Variants in LIN9 observed in about 807,000 individuals in gnomAD.
The protein encoded by LIN9 is lin-9 DREAM MuvB core complex component, also known as protein lin-9 homolog.
In LIN9, 18 loss-of-function variants were observed where a neutral mutation model predicts 78.0. The ratio of observed to expected loss-of-function variants is 0.23; its 90% CI spans 0.16 to 0.34. LIN9 has a LOEUF of 0.34. Among genes scored for constraint, LIN9 ranks in the 10% least tolerant of loss-of-function variants. The pLI is 1.00. For missense variants in LIN9, 451 were observed against 644.1 expected (o/e 0.70, Z 3.25); for synonymous variants, 192 against 215.2 (o/e 0.89, Z 0.94).
intron 4 of LIN9, among the ~76,000 whole-genome samples, chr1:226,294,476 G>A (rs1662001710): frequency 6.6e-6 from 1 of 151,802 alleles, no homozygotes; most frequent in Non-Finnish European, 1.5e-5. Flanking sequence ...GGAGGCTAAG[G>A]CAGGAGAATC....
At chr1:226,299,165 A>AT (rs985003047) in intron 2 of LIN9, among the ~76,000 whole-genome samples, 1 of 151,974 alleles carries the variant, frequency 6.6e-6, no homozygotes, top group South Asian at 2.1e-4. Context: ...GCATTTTCTC[A>AT]TTTTTTCCAT....
intron 6 of LIN9, among the ~76,000 whole-genome samples, chr1:226,285,820 T>C (rs1453315849): frequency 1.3e-5 from 2 of 152,172 alleles, no homozygotes; most frequent in Non-Finnish European, 2.9e-5. Flanking sequence ...TACACAGAAC[T>C]TTACAGCATC....
At chr1:226,293,267 C>T (rs1661907383) in intron 4 of LIN9, among the ~76,000 whole-genome samples, 1 of 152,150 alleles carries the variant, frequency 6.6e-6, no homozygotes, top group Non-Finnish European at 1.5e-5. Flanking sequence ...TATATTTGTT[C>T]TGTATTGCTC....
At position 226,302,184 on chromosome 1, in the gene LIN9, A is replaced by T. The variant is rs539282142; in HGVS notation, c.32-979T>A. On this transcript the variant is annotated intron_variant, in intron 1 of 14. Transcript: ENST00000681046. ...ATTCTGTTGCAGGTAACCCACTTTG[A>T]GAAACATCAGGCTACAGGTTCTGGT... Among the ~76,000 whole-genome samples the T allele has an allele frequency of 1.3e-4, 20 of 152,334 alleles. No homozygotes were observed. The East Asian group carries it at 3.3e-3, about 25-fold the overall frequency.
intron 11 of LIN9, 114 bp from the exon 12 acceptor site, chr1:226,239,210 TTGTC>T: frequency 1.9e-6 from 2 of 1,049,490 alleles, no homozygotes; most frequent in Non-Finnish European, 2.8e-6. Flanking sequence ...GTTATTAAAT[TTGTC>T]TGTTTTAATT....
chr1:226,305,879 G>C (rs1662882497), intron 1 of LIN9, among the ~76,000 whole-genome samples: 1 of 152,124 alleles, frequency 6.6e-6, no homozygotes, highest in Non-Finnish European at 1.5e-5. Context: ...TGTGGGAAGG[G>C]GGCTGAATTA....
intron 6 of LIN9, among the ~76,000 whole-genome samples, chr1:226,282,655 T>C (rs1427213792): frequency 6.6e-6 from 1 of 152,118 alleles, no homozygotes; most frequent in East Asian, 1.9e-4. Context: ...ACTCCGTCTC[T>C]ACTAAAAATA....
At chr1:226,236,599 G>A (rs889920473) in intron 12 of LIN9, among the ~76,000 whole-genome samples, 2 of 152,088 alleles carry the variant, frequency 1.3e-5, no homozygotes, top group Non-Finnish European at 2.9e-5. Flanking sequence ...GGGACTACAG[G>A]CGCCCGCCAC....
upstream of LIN9, chr1:226,309,387 G>A (rs1420113686): frequency 1.7e-5 from 17 of 990,160 alleles, no homozygotes; most frequent in Non-Finnish European, 1.1e-5. Context: ...CGGGAGGAAG[G>A]GAGGAAGGAG....
intron 7 of LIN9, among the ~76,000 whole-genome samples, chr1:226,276,471 C>A (rs942007463): frequency 6.6e-6 from 1 of 152,176 alleles, no homozygotes; most frequent in African/African-American, 2.4e-5. Flanking sequence ...AATATACACT[C>A]ATTTATTACC....
At chr1:226,308,873 C>T in intron 1 of LIN9, 1 of 301,024 alleles carries the variant, frequency 3.3e-6, no homozygotes, top group Non-Finnish European at 6.0e-6. Flanking sequence ...GGCTGGACTC[C>T]CGGGCTCTCG....
At chr1:226,268,184 A>G (rs1660050968) in intron 7 of LIN9, 94 bp from the exon 8 acceptor site, 1 of 1,222,872 alleles carries the variant, frequency 8.2e-7, no homozygotes, top group East Asian at 2.5e-5. Flanking sequence ...ATCATAGTAC[A>G]GTATTTTGTC....
rs1367085076 is a variant in LIN9, at chr1:226,233,495, G to C, written c.1274C>G (p.Ala425Gly). 1 of 1,613,696 alleles carries C rather than the reference G, an allele frequency of 6.2e-7. No individual in the cohort carries two copies. Among genetic ancestry groups the C allele is most frequent in the African/African-American group, 1.3e-5 (1 of 75,054 alleles). ...GCGTCTCATATCTGTTGGCTGATCT[G>C]CAGGCTGGAGCCCCTGGTCTGGAGC... ...ELAPDQGLQP[A>G]DQPTDMRRRC... Residue 425 changes from alanine (A) to glycine (G), a missense_variant, in exon 13 of 15, where the codon GCA becomes GGA. By Grantham distance (60) the Ala-to-Gly change is moderately conservative. Transcript: ENST00000681046.
At chr1:226,242,294 C>T (rs931063480) in intron 11 of LIN9, among the ~76,000 whole-genome samples, 5 of 151,988 alleles carry the variant, frequency 3.3e-5, no homozygotes, top group Admixed American at 6.6e-5. Context: ...TGTGTGTGTA[C>T]GAATATATGT....
chr1:226,265,599 T>C lies in LIN9; in HGVS notation c.972A>G (p.Arg324=), dbSNP rs773991507. 3.7e-6 allele frequency: 6 copies of C among 1,610,956 alleles called. No individual in the cohort carries two copies. The highest frequency in any genetic ancestry group is 5.1e-6 in the Non-Finnish European group (6 of 1,177,322). Residue 324 remains arginine, a synonymous_variant, in exon 10 of 15, where the codon AGA becomes AGG. Transcript: ENST00000681046. This position sits in a 1 kb window ranked among gnomAD's most constrained non-coding sequence, Gnocchi z 4.1. The part of the protein sequence containing the change: ...NDPLLGQSPW[R]SKISGSDTET... ...CAGTGTCAGAGCCAGAAATTTTACT[T>C]CTCCACGGCGACTGTCCTAATAAAG...
intron 10 of LIN9, among the ~76,000 whole-genome samples, chr1:226,254,261 C>A: frequency 6.6e-6 from 1 of 152,160 alleles, no homozygotes; most frequent in East Asian, 1.9e-4. Context: ...TAGGTGTGAA[C>A]CACTGTGCCT....
intron 10 of LIN9, among the ~76,000 whole-genome samples, chr1:226,256,301 C>A (rs748380124): frequency 6.6e-6 from 1 of 152,058 alleles, no homozygotes; most frequent in African/African-American, 2.4e-5. Flanking sequence ...CATCTGACTT[C>A]TTCTTAGAAA....
intron 10 of LIN9, among the ~76,000 whole-genome samples, chr1:226,258,254 A>G (rs1659332059): frequency 6.6e-6 from 1 of 151,948 alleles, no homozygotes; most frequent in Non-Finnish European, 1.5e-5. Flanking sequence ...TAATTCCAGC[A>G]CTTTGGGAGG....
At chr1:226,267,175 C>T (rs983039937) in intron 8 of LIN9, among the ~76,000 whole-genome samples, 1 of 150,506 alleles carries the variant, frequency 6.6e-6, no homozygotes, top group Non-Finnish European at 1.5e-5. Context: ...TTCTAATTTT[C>T]TTTCTCTCCT....
Sources: allele counts gnomAD v4.1 joint callset (sites outside exome capture counted in the v4.1 genomes callset), GRCh38; gene constraint gnomAD v4.1.1; non-coding constraint Gnocchi (gnomAD v3.1); transcripts MANE v1.5; gene names NCBI Gene and HGNC (gene_info 2026-07-23, HGNC 2026-07-21).